The following KIF21A variants were observed in gnomAD, a reference collection of about 807,000 sequenced individuals.
The protein encoded by KIF21A is kinesin-like protein KIF21A.
A neutral mutation model predicts 202.9 loss-of-function variants in KIF21A; 114 were observed. The ratio of observed to expected loss-of-function variants is 0.56; its 90% CI spans 0.48 to 0.66. The LOEUF (loss-of-function observed/expected upper bound fraction) is 0.66. KIF21A is among the 30% of genes least tolerant of loss of function. KIF21A has a pLI of 0.00. For missense variants in KIF21A, 1,677 were observed against 1,994.9 expected (o/e 0.84, Z 3.04); for synonymous variants, 667 against 670.8 (o/e 0.99, Z 0.09).
intron 1 of KIF21A, among the ~76,000 whole-genome samples, chr12:39,394,723 A>AT (rs1951607937): frequency 6.6e-6 from 1 of 152,212 alleles, no homozygotes; most frequent in Non-Finnish European, 1.5e-5. Context: ...TAATATTGGC[A>AT]TGGCAATTTC....
chr12:39,358,398 G>A lies in KIF21A; in HGVS notation c.1020-25C>T, dbSNP rs113211120. Reference sequence around the variant, plus strand: ...GCTGAAAGTTACAAATAATAGTTAGGCTTACACATAAAAGCACCTAAAATG... The same window carrying A: ...GCTGAAAGTTACAAATAATAGTTAGACTTACACATAAAAGCACCTAAAATG... On this transcript the variant is annotated intron_variant, in intron 7 of 37. Coordinates refer to ENST00000361418, the MANE Select transcript of KIF21A (RefSeq NM_001173464.2). 3.5e-4 allele frequency: 565 copies of A among 1,596,252 alleles called. 4 individuals carry two copies. In the African/African-American group the frequency reaches 7.0e-3, roughly 20 times the overall value.
chr12:39,305,662 A>G (rs1028216981), intron 34 of KIF21A, among the ~76,000 whole-genome samples: 2 of 152,188 alleles, frequency 1.3e-5, no homozygotes, highest in African/African-American at 2.4e-5. Context: ...AATGTCATTT[A>G]GGTAAGCAAA....
At chr12:39,425,334 A>G (rs1954658792) in intron 1 of KIF21A, among the ~76,000 whole-genome samples, 2 of 152,128 alleles carry the variant, frequency 1.3e-5, no homozygotes, top group African/African-American at 4.8e-5. Flanking sequence ...AATACCCAGA[A>G]CTCCCTTCCA....
intron 24 of KIF21A, among the ~76,000 whole-genome samples, chr12:39,327,697 C>T (rs909526991): frequency 2.0e-5 from 3 of 152,296 alleles, no homozygotes; most frequent in Middle Eastern, 3.4e-3. Flanking sequence ...CCCAGAGGAT[C>T]TCACTCAGAT....
At chr12:39,403,652 T>A (rs1477331399) in intron 1 of KIF21A, among the ~76,000 whole-genome samples, 1 of 152,200 alleles carries the variant, frequency 6.6e-6, no homozygotes, top group Non-Finnish European at 1.5e-5. Flanking sequence ...TACAGGCTTT[T>A]TATGAAGATA....
chr12:39,320,296 C>T (rs1945071193), intron 27 of KIF21A, among the ~76,000 whole-genome samples: 1 of 152,012 alleles, frequency 6.6e-6, no homozygotes, highest in Admixed American at 6.6e-5. Context: ...ATAGCCACAA[C>T]AAATATTTTA....
intron 37 of KIF21A, among the ~76,000 whole-genome samples, chr12:39,300,937 C>G (rs982501248): frequency 6.6e-6 from 1 of 152,062 alleles, no homozygotes; most frequent in African/African-American, 2.4e-5. Flanking sequence ...AGAATATAGA[C>G]TGGGTTTGGA....
At chr12:39,337,239 T>A in intron 16 of KIF21A, 36 bp from the exon 17 acceptor site, 1 of 1,285,290 alleles carries the variant, frequency 7.8e-7, no homozygotes, top group Non-Finnish European at 1.1e-6. Flanking sequence ...TTGAAATTAC[T>A]CTGTCACAAC....
intron 12 of KIF21A, 68 bp from the exon 13 acceptor site, chr12:39,342,192 G>T: frequency 2.8e-6 from 3 of 1,085,054 alleles, no homozygotes; most frequent in Non-Finnish European, 4.2e-6. Context: ...TTCTCCCTCA[G>T]ATTTTTAGAA....
intron 7 of KIF21A, 42 bp downstream of exon 7, chr12:39,363,056 A>C (rs1695233066): frequency 8.3e-7 from 1 of 1,204,400 alleles, no homozygotes; most frequent in Non-Finnish European, 1.2e-6. Flanking sequence ...TTTAATAATG[A>C]ATAATCAAAA....
At chr12:39,424,981 C>T (rs1030561791) in intron 1 of KIF21A, among the ~76,000 whole-genome samples, 2 of 152,140 alleles carry the variant, frequency 1.3e-5, no homozygotes, top group African/African-American at 2.4e-5. Context: ...CCTACCTCTC[C>T]GATCTTACCT....
At chr12:39,408,188 C>A (rs764649929) in intron 1 of KIF21A, among the ~76,000 whole-genome samples, 1 of 151,488 alleles carries the variant, frequency 6.6e-6, no homozygotes, top group Non-Finnish European at 1.5e-5. Context: ...CAGGGATGGT[C>A]GGGGGGTTGG....
intron 1 of KIF21A, among the ~76,000 whole-genome samples, chr12:39,431,913 C>T (rs1489118164): frequency 6.6e-6 from 1 of 152,192 alleles, no homozygotes. Context: ...CCTAAATTGA[C>T]ACTTGAAAAT....
At chr12:39,361,180 G>A (rs1949180456) in intron 7 of KIF21A, among the ~76,000 whole-genome samples, 1 of 152,192 alleles carries the variant, frequency 6.6e-6, no homozygotes, top group Non-Finnish European at 1.5e-5. Context: ...AAGTATTGAA[G>A]TTTTCAAGAG....
chr12:39,436,422 T>TTTTATATATAGATATA lies in KIF21A; in HGVS notation c.44+6504_44+6505insTATATCTATATATAAA, dbSNP rs1424497663. 2.1e-4 allele frequency among the ~76,000 whole-genome samples: 21 copies of TTTTATATATAGATATA among 99,110 alleles called. 1 individual carries two copies. Among genetic ancestry groups the TTTTATATATAGATATA allele is most frequent in the African/African-American group, 9.5e-4 (21 of 22,032 alleles). 65.0% of individuals were successfully genotyped at this position (99,110 alleles called of 152,430 possible). A position where few individuals can be genotyped will look rare whatever the true frequency, so the allele number is the denominator to read the frequency against. On this transcript the variant is annotated intron_variant, in intron 1 of 37. Transcript: ENST00000361418. ...TCAATAATTATAAGGGTTTACTATA[T>TTTTATATATAGATATA]TATATATATATATATATATATATAT...
chr12:39,412,479 G>A (rs1476199799), intron 1 of KIF21A, among the ~76,000 whole-genome samples: 1 of 152,170 alleles, frequency 6.6e-6, no homozygotes, highest in African/African-American at 2.4e-5. Context: ...CACTTCGGAA[G>A]GCTAAGGTGG....
At chr12:39,352,028 T>G in intron 10 of KIF21A, 48 bp from the exon 11 acceptor site, 1 of 1,259,938 alleles carries the variant, frequency 7.9e-7, no homozygotes, top group Non-Finnish European at 1.2e-6. Context: ...TCTCTGTGGA[T>G]AAAAATACAT....
intron 31 of KIF21A, 64 bp from the exon 32 acceptor site, chr12:39,311,617 A>T (rs1031822916): frequency 6.3e-7 from 1 of 1,586,092 alleles, no homozygotes; most frequent in African/African-American, 1.3e-5. Flanking sequence ...ATATCATGAG[A>T]CTAGTTTTGT....
intron 29 of KIF21A, among the ~76,000 whole-genome samples, chr12:39,317,781 T>C (rs921872355): frequency 1.2e-4 from 18 of 152,212 alleles, no homozygotes; most frequent in African/African-American, 4.3e-4. Flanking sequence ...AAACATCAAG[T>C]GGTCTCAAAG....
Sources: allele counts gnomAD v4.1 joint callset (sites outside exome capture counted in the v4.1 genomes callset), GRCh38; gene constraint gnomAD v4.1.1; transcripts MANE v1.5; gene names NCBI Gene and HGNC (gene_info 2026-07-23, HGNC 2026-07-21).